MYO9A: variants seen among roughly 807,000 people sequenced by gnomAD.
The protein encoded by MYO9A is unconventional myosin-IXa.
MYO9A carries 103 observed loss-of-function variants against 293.3 expected under a neutral mutation model. The observed-to-expected ratio is 0.35, with a 90% CI of 0.30 to 0.41. MYO9A has a LOEUF of 0.41. Ranked by LOEUF, MYO9A falls within the 10% of genes least tolerant of loss-of-function variation. The pLI, the probability that MYO9A is intolerant of heterozygous loss-of-function variation, is 1.00. For synonymous variants in MYO9A, 1,001 were observed against 1,035.7 expected, an observed-to-expected ratio of 0.97 and a Z score of 0.64; for missense variants, 2,685 against 3,033.0, an observed-to-expected ratio of 0.89 and a Z score of 2.69.
At chr15:71,947,168 G>A (rs767528358) in intron 15 of MYO9A, among the ~76,000 whole-genome samples, 5 of 151,840 alleles carry the variant, frequency 3.3e-5, no homozygotes, top group Admixed American at 6.6e-5. Flanking sequence ...TGTAGTCCGA[G>A]GTGCTTGGGA....
chr15:71,963,853 T>C (rs1408441162), intron 13 of MYO9A, among the ~76,000 whole-genome samples: 1 of 152,182 alleles, frequency 6.6e-6, no homozygotes. Context: ...TGAAAGAAAA[T>C]GTGTAAGACC....
At chr15:72,103,236 A>G (rs1201735431) in intron 1 of MYO9A, among the ~76,000 whole-genome samples, 2 of 151,046 alleles carry the variant, frequency 1.3e-5, no homozygotes, top group Non-Finnish European at 3.0e-5. Flanking sequence ...AAGCAGCAGC[A>G]GAAGCAGCAG....
intron 14 of MYO9A, among the ~76,000 whole-genome samples, chr15:71,953,873 T>TTTTTTG (rs1555490276): frequency 6.8e-6 from 1 of 147,428 alleles, no homozygotes; most frequent in Non-Finnish European, 1.5e-5. Context: ...ATCAACTGTT[T>TTTTTTG]TTTTGTTTTG....
chr15:72,041,891 C>G (rs1237171007), intron 2 of MYO9A, among the ~76,000 whole-genome samples: 1 of 145,492 alleles, frequency 6.9e-6, no homozygotes, highest in East Asian at 2.0e-4. Context: ...AAAAAAAAAA[C>G]AGTAATAATA....
chr15:71,868,265 G>A (rs554452991), intron 32 of MYO9A, among the ~76,000 whole-genome samples: 4 of 152,234 alleles, frequency 2.6e-5, no homozygotes, highest in African/African-American at 9.6e-5. Context: ...TCTAGAGGCC[G>A]GTCACATTCC....
chr15:72,104,749 T>C (rs1222362150), intron 1 of MYO9A, among the ~76,000 whole-genome samples: 2 of 152,220 alleles, frequency 1.3e-5, no homozygotes, highest in Non-Finnish European at 2.9e-5. Flanking sequence ...TCTTCATTCA[T>C]AGGATACATC....
intron 7 of MYO9A, among the ~76,000 whole-genome samples, chr15:72,008,179 T>C (rs2077068425): frequency 6.6e-6 from 1 of 152,188 alleles, no homozygotes; most frequent in Admixed American, 6.5e-5. Flanking sequence ...TATATAGTCA[T>C]TTCAAAGGGA....
At chr15:72,026,275 G>GAAAA (rs35491673) in intron 4 of MYO9A, among the ~76,000 whole-genome samples, 655 of 62,252 alleles carry the variant, frequency 0.011, no homozygotes, top group East Asian at 0.011. Flanking sequence ...TCCGTCTCAA[G>GAAAA]AAAAAAAAAA....
chr15:71,925,674 TC>T (rs1031927092), intron 18 of MYO9A, among the ~76,000 whole-genome samples: 2 of 151,864 alleles, frequency 1.3e-5, no homozygotes, highest in Non-Finnish European at 2.9e-5. Context: ...TTTATCCCCA[TC>T]CCCCCACAAT....
At chr15:71,892,333 T>C (rs928957793) in intron 26 of MYO9A, 2 of 152,250 alleles carry the variant, frequency 1.3e-5, no homozygotes, top group African/African-American at 2.4e-5. Flanking sequence ...TTGCTCACTA[T>C]ATGTTTTAAA....
chr15:71,998,550 C>CTTTTTTT (rs765185033), intron 9 of MYO9A, among the ~76,000 whole-genome samples: 3 of 106,190 alleles, frequency 2.8e-5, no homozygotes, highest in Non-Finnish European at 3.7e-5. Context: ...ATTTGGCTTT[C>CTTTTTTT]TTTTTTTTTT....
intron 14 of MYO9A, among the ~76,000 whole-genome samples, chr15:71,956,558 A>T (rs1042021893): frequency 6.7e-6 from 1 of 150,036 alleles, no homozygotes; most frequent in Non-Finnish European, 1.5e-5. Context: ...AGGCAAGAGA[A>T]TCGCTTGAAC....
chr15:72,017,572 T>C (rs1409980807), intron 6 of MYO9A, among the ~76,000 whole-genome samples: 1 of 152,162 alleles, frequency 6.6e-6, no homozygotes, highest in Non-Finnish European at 1.5e-5. Flanking sequence ...TCAAGTGTTT[T>C]TTTCCCCAAA....
chr15:72,079,381 G>T (rs1022329277), intron 1 of MYO9A, among the ~76,000 whole-genome samples: 1 of 151,936 alleles, frequency 6.6e-6, no homozygotes, highest in African/African-American at 2.4e-5. Context: ...TCATCAACCT[G>T]CATACTATAA....
chr15:72,085,090 T>C (rs767810302), intron 1 of MYO9A, among the ~76,000 whole-genome samples: 1 of 152,136 alleles, frequency 6.6e-6, no homozygotes, highest in Non-Finnish European at 1.5e-5. Context: ...GCTTGACCTA[T>C]TCTGCTATTA....
At chr15:71,932,527 G>C (rs1567287647) in intron 18 of MYO9A, among the ~76,000 whole-genome samples, 1 of 151,554 alleles carries the variant, frequency 6.6e-6, no homozygotes, top group East Asian at 1.9e-4. Flanking sequence ...AGTATCCCAG[G>C]GTTCTGCTGT....
chr15:72,048,517 G>C (rs1005374501), intron 1 of MYO9A, among the ~76,000 whole-genome samples: 5 of 152,138 alleles, frequency 3.3e-5, no homozygotes, highest in Non-Finnish European at 5.9e-5. Context: ...CTATCTCATA[G>C]CATACTGAAA....
chr15:71,933,774 G>C, intron 17 of MYO9A, 65 bp from the exon 18 acceptor site: 1 of 1,354,454 alleles, frequency 7.4e-7, no homozygotes, highest in East Asian at 2.3e-5. Flanking sequence ...AGCTACTGTA[G>C]AGAAGAAAGA....
At chr15:71,997,447 A>C (rs1305113779) in intron 9 of MYO9A, among the ~76,000 whole-genome samples, 1 of 152,098 alleles carries the variant, frequency 6.6e-6, no homozygotes, top group Non-Finnish European at 1.5e-5. Flanking sequence ...AAAAATACCA[A>C]AAATTAGCTG....
Sources: allele counts gnomAD v4.1 joint callset (sites outside exome capture counted in the v4.1 genomes callset), GRCh38; gene constraint gnomAD v4.1.1; transcripts MANE v1.5; gene names NCBI Gene and HGNC (gene_info 2026-07-23, HGNC 2026-07-21).